ZNF423: variants seen among roughly 807,000 people sequenced by gnomAD.
ZNF423 encodes the protein Ebf-associated zinc finger protein.
A neutral mutation model predicts 95.8 loss-of-function variants in ZNF423; 12 were observed. That is an observed-to-expected ratio of 0.13 (90% CI 0.08 to 0.20). ZNF423 has a LOEUF of 0.20. Among genes scored for constraint, ZNF423 ranks in the 10% least tolerant of loss-of-function variants. The pLI is 1.00. For synonymous variants in ZNF423, 749 were observed against 711.9 expected, an observed-to-expected ratio of 1.05 and a Z score of -0.83; for missense variants, 1,316 against 1,737.1, an observed-to-expected ratio of 0.76 and a Z score of 4.31.
At chr16:49,644,576 T>C (rs1389529896) in intron 3 of ZNF423, among the ~76,000 whole-genome samples, 1 of 138,468 alleles carries the variant, frequency 7.2e-6, no homozygotes, top group Non-Finnish European at 1.5e-5. Context: ...GGCAGGAGGA[T>C]CACCTGAGCC....
chr16:49,661,023 C>T (rs928219386), intron 3 of ZNF423, among the ~76,000 whole-genome samples: 7 of 152,110 alleles, frequency 4.6e-5, no homozygotes, highest in African/African-American at 1.4e-4. Flanking sequence ...GCGTTCAAGA[C>T]CAGCCTGGCC....
At chr16:49,771,793 A>G (rs2034039904) in intron 2 of ZNF423, among the ~76,000 whole-genome samples, 2 of 152,128 alleles carry the variant, frequency 1.3e-5, no homozygotes, top group African/African-American at 2.4e-5. Context: ...TTCTTTATAA[A>G]TTACCCAGTC....
At chr16:49,523,563 G>T in intron 7 of ZNF423, 61 bp downstream of exon 7, 1 of 1,436,888 alleles carries the variant, frequency 7.0e-7, no homozygotes, top group Non-Finnish European at 9.8e-7. Flanking sequence ...TGAGACCGTC[G>T]GTGCTGACGG....
intron 1 of ZNF423, chr16:49,822,685 T>A (rs764002253): frequency 6.2e-7 from 1 of 1,612,066 alleles, no homozygotes; most frequent in Non-Finnish European, 8.5e-7. Context: ...TTCTTATGCA[T>A]CCATGTCTTT....
chr16:49,749,594 G>A (rs1301785391), intron 2 of ZNF423, among the ~76,000 whole-genome samples: 2 of 152,244 alleles, frequency 1.3e-5, no homozygotes, highest in African/African-American at 4.8e-5. Context: ...ACGGACACGC[G>A]CAGCAATCGC....
At chr16:49,529,239 C>T (rs911449402) in intron 5 of ZNF423, among the ~76,000 whole-genome samples, 1 of 151,824 alleles carries the variant, frequency 6.6e-6, no homozygotes, top group African/African-American at 2.4e-5. Flanking sequence ...ATTTCACCTG[C>T]TGAAATTCAG....
chr16:49,520,563 C>G (rs1968355509), intron 7 of ZNF423, among the ~76,000 whole-genome samples: 1 of 152,240 alleles, frequency 6.6e-6, no homozygotes, highest in South Asian at 2.1e-4. Context: ...CTCAAGACCT[C>G]TCAGCCCATA....
intron 2 of ZNF423, among the ~76,000 whole-genome samples, chr16:49,771,902 G>A (rs1280592135): frequency 6.6e-6 from 1 of 152,084 alleles, no homozygotes; most frequent in Non-Finnish European, 1.5e-5. Context: ...TAGAGCCTTA[G>A]CCAGGGTTCT....
chr16:49,754,029 C>CA (rs35566540), intron 2 of ZNF423, among the ~76,000 whole-genome samples: 16,516 of 91,494 alleles, frequency 0.18, 974 homozygotes, highest in Middle Eastern at 0.25. Flanking sequence ...AAGACTCCGT[C>CA]AAAAAAAAAA....
Position 49,648,379 on chromosome 16 carries a change from C to T in ZNF423, c.302-9505G>A, listed in dbSNP as rs145127897. On this transcript the variant is annotated intron_variant, in intron 3 of 7. Transcript: ENST00000563137. ...TTAAGCAGGCCAGGCGCAGTGCTCA[C>T]GCCTGTAATCCCAGCACTTTGGGAG... Among the ~76,000 whole-genome samples, 242 of 152,332 alleles carry T rather than the reference C, an allele frequency of 1.6e-3. 1 individual carries two copies. Among genetic ancestry groups the T allele is most frequent in the African/African-American group, 5.2e-3 (216 of 41,574 alleles).
chr16:49,662,376 A>G (rs1311106223), intron 3 of ZNF423, among the ~76,000 whole-genome samples: 1 of 152,232 alleles, frequency 6.6e-6, no homozygotes, highest in Non-Finnish European at 1.5e-5. Context: ...GGACAGGAAT[A>G]ACAGGACCCT....
intron 1 of ZNF423, among the ~76,000 whole-genome samples, chr16:49,836,008 A>T (rs2035115465): frequency 6.6e-6 from 1 of 152,088 alleles, no homozygotes; most frequent in South Asian, 2.1e-4. Context: ...CCTGTTTTGA[A>T]TCCCTCAGCA....
chr16:49,838,852 T>A, intron 1 of ZNF423, among the ~76,000 whole-genome samples: 1 of 151,384 alleles, frequency 6.6e-6, no homozygotes, highest in Admixed American at 6.6e-5. Context: ...GCCGCAGCCA[T>A]GGAGCCCTCC....
At chr16:49,736,462 G>A (rs1419770595) in intron 2 of ZNF423, among the ~76,000 whole-genome samples, 1 of 152,150 alleles carries the variant, frequency 6.6e-6, no homozygotes, top group Non-Finnish European at 1.5e-5. Context: ...TGAGCAAAGA[G>A]AGGCAATAAC....
intron 5 of ZNF423, among the ~76,000 whole-genome samples, chr16:49,538,497 A>G (rs967292082): frequency 1.3e-5 from 2 of 152,074 alleles, no homozygotes; most frequent in African/African-American, 4.8e-5. Flanking sequence ...ATTCAGACAC[A>G]CTGCCTGGAT....
chr16:49,755,576 TG>T (rs1336513580), intron 2 of ZNF423, among the ~76,000 whole-genome samples: 1 of 152,158 alleles, frequency 6.6e-6, no homozygotes, highest in Non-Finnish European at 1.5e-5. Context: ...TGTGACGAGT[TG>T]AGTTGGAGAG....
At chr16:49,769,523 ACTAGAGGGACCTCTT>A (rs2033993331) in intron 2 of ZNF423, among the ~76,000 whole-genome samples, 2 of 151,872 alleles carry the variant, frequency 1.3e-5, no homozygotes, top group Non-Finnish European at 2.9e-5. Flanking sequence ...CCCACACACA[ACTAGAGGGACCTCTT>A]CCAGATATAA....
rs1322000156 is a variant in ZNF423, at chr16:49,488,010, A to G, written c.*3265T>C. 6.6e-6 allele frequency: 1 copy of G among 152,250 alleles called. No individual in the cohort carries two copies. The highest frequency in any genetic ancestry group is 2.4e-5 in the African/African-American group (1 of 41,470). 9.4% of individuals were successfully genotyped at this position (152,250 alleles called of 1,614,324 possible). On this transcript the variant is annotated 3_prime_UTR_variant, in exon 8 of 8. Transcript: ENST00000563137. Reference sequence around the variant, plus strand: ...GTGCCACTGTGGCCTCCATGAGGCCAGGGACCACATCTGCTGGTCATCTCC... The same window carrying G: ...GTGCCACTGTGGCCTCCATGAGGCCGGGGACCACATCTGCTGGTCATCTCC...
chr16:49,608,074 C>T (rs1011234511), intron 5 of ZNF423, among the ~76,000 whole-genome samples: 1 of 152,208 alleles, frequency 6.6e-6, no homozygotes, highest in African/African-American at 2.4e-5. Context: ...TTATGCCCCA[C>T]CTTTGCCCAG....
Sources: gnomAD v4.1 joint callset for allele counts (sites outside exome capture counted in the v4.1 genomes callset) on GRCh38, gnomAD v4.1.1 for gene constraint, MANE v1.5 for transcripts, NCBI Gene and HGNC (gene_info 2026-07-23, HGNC 2026-07-21) for gene names.